The following PRKCE variants were observed in gnomAD, a reference collection of about 807,000 sequenced individuals.
PRKCE encodes protein kinase C epsilon.
PRKCE carries 16 observed loss-of-function variants against 85.4 expected under a neutral mutation model. The ratio of observed to expected loss-of-function variants is 0.19; its 90% CI spans 0.13 to 0.28. The LOEUF (loss-of-function observed/expected upper bound fraction) is 0.28. Among genes scored for constraint, PRKCE ranks in the 10% least tolerant of loss-of-function variants. The pLI, the probability that PRKCE is intolerant of heterozygous loss-of-function variation, is 1.00. For synonymous variants in PRKCE, 388 were observed against 371.5 expected (o/e 1.04, Z -0.51); for missense variants, 573 against 975.2 (o/e 0.59, Z 5.49).
chr2:46,014,215 T>TCAAA (rs1705932803), intron 10 of PRKCE, among the ~76,000 whole-genome samples: 1 of 152,216 alleles, frequency 6.6e-6, no homozygotes, highest in Non-Finnish European at 1.5e-5. Flanking sequence ...AACCAGTGTG[T>TCAAA]CTTTGGGATG....
At chr2:45,726,605 G>A (rs748357674) in intron 1 of PRKCE, among the ~76,000 whole-genome samples, 2 of 152,116 alleles carry the variant, frequency 1.3e-5, no homozygotes, top group Admixed American at 6.5e-5. Context: ...ATAAATTTAC[G>A]TACACTGGGA....
intron 11 of PRKCE, among the ~76,000 whole-genome samples, chr2:46,116,787 G>T (rs925459683): frequency 5.3e-5 from 8 of 152,038 alleles, no homozygotes; most frequent in Non-Finnish European, 5.9e-5. Flanking sequence ...AGAGAAATAG[G>T]AGGAGTAAAA....
intron 11 of PRKCE, among the ~76,000 whole-genome samples, chr2:46,112,482 T>G (rs904570305): frequency 4.7e-5 from 6 of 128,466 alleles, no homozygotes; most frequent in Admixed American, 2.6e-4. Flanking sequence ...TCCCTGTTTT[T>G]GTTTTTTTGG....
intron 11 of PRKCE, among the ~76,000 whole-genome samples, chr2:46,092,330 C>CAAGCCT (rs778566466): frequency 0.01 from 1,594 of 152,252 alleles, 32 homozygotes; most frequent in African/African-American, 0.036. Flanking sequence ...ACTCTTCCTC[C>CAAGCCT]TTAGATTCTC....
chr2:45,989,942 T>A (rs1009910372), intron 6 of PRKCE, among the ~76,000 whole-genome samples: 2 of 152,222 alleles, frequency 1.3e-5, no homozygotes, highest in African/African-American at 4.8e-5. Context: ...AAAAATGTGC[T>A]ATGGGTCCTC....
chr2:46,029,516 T>A (rs1707366410), intron 10 of PRKCE, among the ~76,000 whole-genome samples: 1 of 152,166 alleles, frequency 6.6e-6, no homozygotes, highest in Non-Finnish European at 1.5e-5. Flanking sequence ...CTGCCCCCAC[T>A]AACGCCACCC....
At chr2:46,110,140 C>T (rs1207455849) in intron 11 of PRKCE, among the ~76,000 whole-genome samples, 1 of 152,032 alleles carries the variant, frequency 6.6e-6, no homozygotes. Context: ...AGATATTGGT[C>T]AGTTGTTATA....
chr2:45,800,946 T>A (rs1041743850), intron 1 of PRKCE, among the ~76,000 whole-genome samples: 2 of 152,174 alleles, frequency 1.3e-5, no homozygotes, highest in African/African-American at 4.8e-5. Context: ...ACCTGGAAAC[T>A]AACGCAGTCA....
intron 2 of PRKCE, among the ~76,000 whole-genome samples, chr2:45,937,893 CTG>C (rs976845620): frequency 3.9e-5 from 6 of 152,152 alleles, no homozygotes; most frequent in Non-Finnish European, 8.8e-5. Flanking sequence ...GGTGAGGAAA[CTG>C]AGGCTCAGCA....
chr2:46,092,604 A>T (rs959496137), intron 11 of PRKCE, among the ~76,000 whole-genome samples: 1 of 152,210 alleles, frequency 6.6e-6, no homozygotes, highest in Non-Finnish European at 1.5e-5. Context: ...AGTGCACCTT[A>T]TAAACCTGTC....
rs547538636 is a variant in PRKCE, at chr2:45,960,414, G to T, written c.413-16015G>T. 2.0e-5 allele frequency among the ~76,000 whole-genome samples: 3 copies of T among 152,326 alleles called. No individual in the cohort carries two copies. The East Asian group carries it at 5.8e-4, about 29-fold the overall frequency. On this transcript the variant is annotated intron_variant, in intron 2 of 14. Coordinates refer to ENST00000306156, the MANE Select transcript of PRKCE (RefSeq NM_005400.3). ...TGTTCCCCAACCTTTTGGTACCAGG[G>T]ACTGGTTTCATGGAAGACAGTTTTT...
chr2:45,826,567 G>A (rs964074010), intron 1 of PRKCE, among the ~76,000 whole-genome samples: 3 of 152,144 alleles, frequency 2.0e-5, no homozygotes, highest in Admixed American at 2.0e-4. Flanking sequence ...TCTATCTGCT[G>A]CCAACTACCA....
chr2:45,680,121 A>G (rs907608299), intron 1 of PRKCE, among the ~76,000 whole-genome samples: 10 of 152,240 alleles, frequency 6.6e-5, no homozygotes, highest in Non-Finnish European at 1.5e-4. Context: ...GCTACCATTC[A>G]CAGACCAGGG....
At chr2:45,772,722 G>C (rs918795362) in intron 1 of PRKCE, among the ~76,000 whole-genome samples, 3 of 152,114 alleles carry the variant, frequency 2.0e-5, no homozygotes, top group African/African-American at 4.8e-5. Context: ...ACCATTTAGG[G>C]TGAAGTTGTG....
At chr2:45,800,421 G>T (rs994697078) in intron 1 of PRKCE, among the ~76,000 whole-genome samples, 9 of 152,248 alleles carry the variant, frequency 5.9e-5, no homozygotes, top group African/African-American at 1.9e-4. Context: ...AGGCTTCTGG[G>T]CCAGGGCTGG....
intron 2 of PRKCE, among the ~76,000 whole-genome samples, chr2:45,911,162 C>T (rs57813355): frequency 1.3e-5 from 2 of 152,214 alleles, no homozygotes; most frequent in African/African-American, 4.8e-5. Context: ...CATTTTCAGC[C>T]TAAAGGGTTT....
intron 1 of PRKCE, among the ~76,000 whole-genome samples, chr2:45,669,250 T>A (rs989109033): frequency 4.6e-5 from 7 of 152,190 alleles, no homozygotes; most frequent in East Asian, 1.9e-4. Context: ...GGAAGACAGA[T>A]AAGACAGTGA....
intron 1 of PRKCE, among the ~76,000 whole-genome samples, chr2:45,762,426 G>C (rs1684581652): frequency 6.6e-6 from 1 of 152,198 alleles, no homozygotes; most frequent in Non-Finnish European, 1.5e-5. Flanking sequence ...TTGGGAATGG[G>C]ATGGGATGAG....
chr2:45,679,942 C>A (rs1197643433), intron 1 of PRKCE, among the ~76,000 whole-genome samples: 2 of 152,206 alleles, frequency 1.3e-5, no homozygotes, highest in Non-Finnish European at 2.9e-5. Context: ...AGGCTCTGCC[C>A]TGTCTCCATA....
Sources: allele counts gnomAD v4.1 joint callset (sites outside exome capture counted in the v4.1 genomes callset), GRCh38; gene constraint gnomAD v4.1.1; transcripts MANE v1.5; gene names NCBI Gene and HGNC (gene_info 2026-07-23, HGNC 2026-07-21).